DENND2B: variants seen among roughly 807,000 people sequenced by gnomAD.
The protein encoded by DENND2B is DENN domain-containing protein 2B.
A neutral mutation model predicts 116.0 loss-of-function variants in DENND2B; 32 were observed. The ratio of observed to expected loss-of-function variants is 0.28; its 90% CI spans 0.21 to 0.37. The LOEUF is 0.37. Ranked by LOEUF, DENND2B falls within the 10% of genes least tolerant of loss-of-function variation. The probability of loss-of-function intolerance (pLI) is 1.00; values close to 1 mark genes in which losing one functional copy is unlikely to be tolerated. For missense variants in DENND2B, 1,276 were observed against 1,477.7 expected, an observed-to-expected ratio of 0.86 and a Z score of 2.24; for synonymous variants, 588 against 583.9, an observed-to-expected ratio of 1.01 and a Z score of -0.10.
At chr11:8,768,792 C>T (rs1031145588) in intron 1 of DENND2B, 2 of 152,580 alleles carry the variant, frequency 1.3e-5, no homozygotes, top group African/African-American at 4.8e-5. Context: ...CAAGTCACAG[C>T]TGACTCATGC....
intron 1 of DENND2B, among the ~76,000 whole-genome samples, chr11:8,892,212 T>C (rs1412714633): frequency 6.6e-6 from 1 of 152,114 alleles, no homozygotes; most frequent in East Asian, 1.9e-4. Context: ...AGACACAACA[T>C]ACCAGAGTCT....
In DENND2B at chr11:8,716,707, G is replaced by A. The variant is rs2044885116; in HGVS notation, c.1630-889C>T. 3.3e-5 allele frequency among the ~76,000 whole-genome samples: 5 copies of A among 151,728 alleles called. No homozygotes were observed. The South Asian group carries it at 1.0e-3, about 31-fold the overall frequency. ...GTGTCGCCCAGGTAGGAGTGCAGTG[G>A]AGCGATCTTGGCTTACTGCAACCTC... On this transcript the variant is annotated intron_variant, in intron 5 of 19. Transcript: ENST00000313726.
Position 8,707,872 on chromosome 11 carries a change from G to C in DENND2B, c.2353-18C>G, listed in dbSNP as rs757825204. ...CCACTTGGCTGGGCCAGGACAAGGA[G>C]GAGGAGGAGAGAGACAGACACAGAG... On this transcript the variant is annotated intron_variant, in intron 11 of 19. Coordinates refer to ENST00000313726, the MANE Select transcript of DENND2B (RefSeq NM_213618.2). The surrounding 1 kb of genome is among the most constrained non-coding windows in gnomAD (Gnocchi z 4.8). 25 of 1,601,848 alleles carry C rather than the reference G, an allele frequency of 1.6e-5. No individual in the cohort carries two copies. The African/African-American group carries it at 3.1e-4, about 20-fold the overall frequency.
intron 11 of DENND2B, chr11:8,708,435 G>A (rs1643594561): frequency 3.0e-6 from 2 of 677,470 alleles, no homozygotes; most frequent in African/African-American, 2.0e-5. Flanking sequence ...ATTTGTGAGA[G>A]AGGGATTATT....
chr11:8,791,574 C>A (rs2059380602), intron 1 of DENND2B, among the ~76,000 whole-genome samples: 1 of 151,952 alleles, frequency 6.6e-6, no homozygotes, highest in African/African-American at 2.4e-5. Flanking sequence ...CAAGACCAGC[C>A]TGGGCAACTA....
Position 8,712,724 on chromosome 11 carries a change from G to T in DENND2B, c.1999C>A (p.Arg667Ser). 6.2e-7 allele frequency: 1 copy of T among 1,611,136 alleles called. No homozygotes were observed. Among genetic ancestry groups the T allele is most frequent in the Non-Finnish European group, 8.5e-7 (1 of 1,178,738 alleles). ...AGCATCGACTGGATGTGGACCAGGC[G>T]CTGTGTGTGGGCTGGAGGCAGGTTG... ...SDDRFKAHTQ[R>S]LVHIQSMLKR... The change falls in exon 9 of 20, where the codon CGC becomes AGC. Residue 667 changes from arginine (R) to serine (S), a missense_variant. This residue lies in a region of DENND2B where 420 missense variants were observed against 631.1 expected (regional missense o/e 0.67). Transcript: ENST00000313726. This position sits in a 1 kb window ranked among gnomAD's most constrained non-coding sequence, Gnocchi z 4.4.
chr11:8,711,976 G>A (rs947326881), intron 9 of DENND2B: 2 of 455,876 alleles, frequency 4.4e-6, no homozygotes, highest in African/African-American at 2.0e-5. Flanking sequence ...TCCTACTTGA[G>A]CAGAGCCTGA....
intron 2 of DENND2B, among the ~76,000 whole-genome samples, chr11:8,864,047 G>A (rs1288312860): frequency 1.3e-5 from 2 of 151,924 alleles, no homozygotes. Context: ...TAGAGTTCCC[G>A]GCAACAGTAA....
At chr11:8,767,169 G>A (rs1040294791) in intron 1 of DENND2B, among the ~76,000 whole-genome samples, 32 of 152,194 alleles carry the variant, frequency 2.1e-4, no homozygotes, top group African/African-American at 7.5e-4. Flanking sequence ...CCAACTGGCA[G>A]AGGGACAGAC....
Position 8,854,016 on chromosome 11 carries a change from A to ATTTTTTTTTTTTTTT in DENND2B, c.-156+3312_-156+3326dup, listed in dbSNP as rs71059187. ...GGTGAATGCCACCATGCCCCAGTTA[A>ATTTTTTTTTTTTTTT]TTTTTTTTTTTTTTTTTTTTTTTTT... On this transcript the variant is annotated intron_variant, in intron 3 of 6. Coordinates refer to the DENND2B transcript ENST00000524757. Among the ~76,000 whole-genome samples the ATTTTTTTTTTTTTTT allele has an allele frequency of 2.4e-4, 15 of 62,762 alleles. 1 individual carries two copies. Among genetic ancestry groups the ATTTTTTTTTTTTTTT allele is most frequent in the African/African-American group, 4.4e-4 (7 of 16,052 alleles). The allele number at this position is 62,762 out of a possible 152,430, so 41.2% of individuals were successfully genotyped here.
intron 17 of DENND2B, among the ~76,000 whole-genome samples, chr11:8,696,927 G>A (rs2040464586): frequency 6.6e-6 from 1 of 152,192 alleles, no homozygotes; most frequent in Non-Finnish European, 1.5e-5. Flanking sequence ...GGGATTACAG[G>A]TGCACTTTTT....
chr11:8,706,193 CATG>C (rs2042569825), intron 13 of DENND2B, among the ~76,000 whole-genome samples: 1 of 152,170 alleles, frequency 6.6e-6, no homozygotes, highest in Admixed American at 6.5e-5. Flanking sequence ...TGCAGTGAGC[CATG>C]ATAGCACCAC....
chr11:8,732,891 G>A (rs1298199093), intron 2 of DENND2B, among the ~76,000 whole-genome samples: 1 of 152,234 alleles, frequency 6.6e-6, no homozygotes, highest in Non-Finnish European at 1.5e-5. Context: ...CAGGAAGGCA[G>A]CCAGCTGCCC....
At chr11:8,710,753 GCACA>G (rs56230708) in intron 11 of DENND2B, 88 bp downstream of exon 11, 178,518 of 820,982 alleles carry the variant, frequency 0.22, 5,943 homozygotes, top group Non-Finnish European at 0.23. Flanking sequence ...TTGCAGAAGG[GCACA>G]CACACACACA....
At chr11:8,803,958 C>T (rs911218518) in intron 1 of DENND2B, among the ~76,000 whole-genome samples, 5 of 152,198 alleles carry the variant, frequency 3.3e-5, no homozygotes, top group Non-Finnish European at 1.5e-5. Flanking sequence ...GCCTCCAATA[C>T]CACACTGAGA....
In DENND2B at chr11:8,712,086, G is replaced by A. The variant is rs1018625631; in HGVS notation, c.2172+465C>T. ...GAGGGGTTGAGTGTGAGAGGAAGAAGAGGGAGGCCAGGCTGGCTGGCGACA... is the reference window on the plus strand; with the variant it reads ...GAGGGGTTGAGTGTGAGAGGAAGAAAAGGGAGGCCAGGCTGGCTGGCGACA... On this transcript the variant is annotated intron_variant, in intron 9 of 19. Coordinates refer to ENST00000313726, the MANE Select transcript of DENND2B (RefSeq NM_213618.2). The surrounding 1 kb of genome is among the most constrained non-coding windows in gnomAD (Gnocchi z 4.4). 2.3e-6 allele frequency: 1 copy of A among 426,464 alleles called. No individual in the cohort carries two copies. Among genetic ancestry groups the A allele is most frequent in the Admixed American group, 2.5e-5 (1 of 39,486 alleles). The allele number at this position is 426,464 out of a possible 1,614,324, so 26.4% of individuals were successfully genotyped here.
At chr11:8,696,397 TAG>T (rs754270551) in intron 18 of DENND2B, 28 bp downstream of exon 18, 4 of 1,609,806 alleles carry the variant, frequency 2.5e-6, no homozygotes, top group Admixed American at 1.7e-5. Context: ...GTGAAAAAAT[TAG>T]AGAAGAGAGC....
intron 4 of DENND2B, among the ~76,000 whole-genome samples, chr11:8,816,296 A>C (rs1232796796): frequency 6.6e-6 from 1 of 152,218 alleles, no homozygotes; most frequent in Non-Finnish European, 1.5e-5. Context: ...CTGTAATCCC[A>C]GCACTCTGGG....
chr11:8,716,198 A>G (rs1269891251), intron 5 of DENND2B, among the ~76,000 whole-genome samples: 1 of 152,154 alleles, frequency 6.6e-6, no homozygotes, highest in Non-Finnish European at 1.5e-5. Flanking sequence ...TCCCGAGCCA[A>G]TCCTAAAAGG....
Sources: allele counts gnomAD v4.1 joint callset (sites outside exome capture counted in the v4.1 genomes callset), GRCh38; gene constraint gnomAD v4.1.1; regional missense constraint gnomAD v4.1.1; non-coding constraint Gnocchi (gnomAD v3.1); transcripts MANE v1.5; gene names NCBI Gene and HGNC (gene_info 2026-07-23, HGNC 2026-07-21).